TRDN: variants seen among roughly 807,000 people sequenced by gnomAD.
The protein encoded by TRDN is triadin in skeletal muscle.
A neutral mutation model predicts 149.7 loss-of-function variants in TRDN; 161 were observed. That is an observed-to-expected ratio of 1.08 (90% confidence interval 0.95 to 1.23). The LOEUF is 1.23. Ranked by LOEUF, TRDN falls within the 50% of genes most tolerant of loss-of-function variation. The pLI is 0.00. For synonymous variants in TRDN, 294 were observed against 250.5 expected (o/e 1.17, Z -1.64); for missense variants, 896 against 823.5 (o/e 1.09, Z -1.08).
At position 123,269,810 on chromosome 6, in the gene TRDN, A is replaced by T. The variant is rs1296867224; in HGVS notation, c.1738+39T>A. On this transcript the variant is annotated intron_variant, in intron 31 of 40. Coordinates refer to ENST00000334268, the MANE Select transcript of TRDN (RefSeq NM_006073.4). ...CAAAATTGTTAAAGCTGAAATGGTC[A>T]AGCGATATTTCTCAGGTGTTATTCT... 2.5e-6 allele frequency: 4 copies of T among 1,603,428 alleles called. No homozygotes were observed. The Admixed American group carries it at 6.8e-5, about 27-fold the overall frequency.
chr6:123,368,361 T>C (rs1781194995), intron 19 of TRDN, among the ~76,000 whole-genome samples: 1 of 152,156 alleles, frequency 6.6e-6, no homozygotes, highest in Admixed American at 6.6e-5. Context: ...CACACAGTTA[T>C]CATCTGCTCT....
chr6:123,510,929 C>T (rs1477328113), intron 7 of TRDN, among the ~76,000 whole-genome samples: 1 of 152,184 alleles, frequency 6.6e-6, no homozygotes, highest in African/African-American at 2.4e-5. Flanking sequence ...CAGAGGTGAG[C>T]CACTGTGCCC....
At chr6:123,619,542 C>T (rs1411113122) in intron 1 of TRDN, among the ~76,000 whole-genome samples, 4 of 152,222 alleles carry the variant, frequency 2.6e-5, no homozygotes, top group Middle Eastern at 3.4e-3. Flanking sequence ...CCTTGGAAGT[C>T]ATTTTCACTG....
chr6:123,488,266 G>A (rs1778057217), intron 9 of TRDN, among the ~76,000 whole-genome samples: 1 of 151,704 alleles, frequency 6.6e-6, no homozygotes, highest in Non-Finnish European at 1.5e-5. Context: ...GAATTAATGA[G>A]ATAAGTATGC....
chr6:123,247,980 C>CA lies in TRDN; in HGVS notation c.1975+4431dup, dbSNP rs376031270. On this transcript the variant is annotated intron_variant, in intron 38 of 40. Transcript: ENST00000334268. ...ACCACCTGATCTTTGACAGACCTGACAAAAACAAACAATGGGAAAAGGATT... is the reference window on the plus strand; with the variant it reads ...ACCACCTGATCTTTGACAGACCTGACAAAAAACAAACAATGGGAAAAGGATT... Among the ~76,000 whole-genome samples, 351 of 152,048 alleles carry CA rather than the reference C, an allele frequency of 2.3e-3. 2 individuals are homozygous for CA. The highest frequency in any genetic ancestry group is 5.6e-3 in the African/African-American group (231 of 41,412).
intron 4 of TRDN, among the ~76,000 whole-genome samples, chr6:123,541,086 TA>T (rs1485322757): frequency 1.3e-5 from 2 of 152,180 alleles, no homozygotes; most frequent in African/African-American, 4.8e-5. Flanking sequence ...TGAAATACAT[TA>T]GACCTAGCAG....
intron 14 of TRDN, among the ~76,000 whole-genome samples, chr6:123,384,416 T>A (rs1781831710): frequency 6.6e-6 from 1 of 152,028 alleles, no homozygotes; most frequent in Non-Finnish European, 1.5e-5. Context: ...CACAGGAGGA[T>A]TATGAAGAGA....
chr6:123,551,376 CACA>C (rs1781383954), intron 2 of TRDN, among the ~76,000 whole-genome samples: 1 of 150,590 alleles, frequency 6.6e-6, no homozygotes, highest in African/African-American at 2.5e-5. Flanking sequence ...CACACACACA[CACA>C]CTTAAATAAG....
At chr6:123,410,156 A>G (rs542417943) in intron 12 of TRDN, among the ~76,000 whole-genome samples, 1 of 152,316 alleles carries the variant, frequency 6.6e-6, no homozygotes, top group East Asian at 1.9e-4. Flanking sequence ...GAAATCATTG[A>G]TGCAGAATAT....
intron 2 of TRDN, among the ~76,000 whole-genome samples, chr6:123,553,736 C>A (rs1007079747): frequency 2.0e-5 from 3 of 152,070 alleles, no homozygotes; most frequent in Non-Finnish European, 4.4e-5. Context: ...AAGGGAAACC[C>A]CTTATAAAAC....
intron 1 of TRDN, among the ~76,000 whole-genome samples, chr6:123,634,821 G>A (rs1056764205): frequency 1.3e-5 from 2 of 151,714 alleles, no homozygotes; most frequent in Admixed American, 1.3e-4. Context: ...GTTAAGGCCC[G>A]GAAGTGGAAA....
chr6:123,596,972 C>T (rs554422231), intron 1 of TRDN, among the ~76,000 whole-genome samples: 147 of 152,082 alleles, frequency 9.7e-4, no homozygotes, highest in African/African-American at 3.3e-3. Context: ...GCCCATGGAT[C>T]AAAGAGTAAT....
intron 2 of TRDN, among the ~76,000 whole-genome samples, chr6:123,560,109 T>C (rs6926276): frequency 0.5 from 76,092 of 152,100 alleles, 19,794 homozygotes; most frequent in East Asian, 0.92. Context: ...GCCTAGCCCT[T>C]ATGTCTGCGT....
At chr6:123,485,627 A>C (rs1562340516) in intron 9 of TRDN, among the ~76,000 whole-genome samples, 1 of 152,152 alleles carries the variant, frequency 6.6e-6, no homozygotes, top group Non-Finnish European at 1.5e-5. Flanking sequence ...TCTGCTATAT[A>C]TGGGAACCAC....
intron 35 of TRDN, 146 bp downstream of exon 35, chr6:123,259,478 T>G (rs956060810): frequency 3.4e-6 from 2 of 583,340 alleles, no homozygotes; most frequent in African/African-American, 1.9e-5. Flanking sequence ...TGAACTGTAA[T>G]GTACTATAAT....
chr6:123,436,513 T>A, intron 12 of TRDN, among the ~76,000 whole-genome samples: 1 of 152,236 alleles, frequency 6.6e-6, no homozygotes, highest in African/African-American at 2.4e-5. Context: ...TGATGCCAGA[T>A]ATTTCTACGC....
chr6:123,506,494 T>C (rs767390927), intron 7 of TRDN, among the ~76,000 whole-genome samples: 1 of 152,178 alleles, frequency 6.6e-6, no homozygotes, highest in Admixed American at 6.5e-5. Flanking sequence ...TTTTGTCTTT[T>C]TGTTTTTTTG....
chr6:123,502,755 A>T, intron 8 of TRDN: 1 of 984,840 alleles, frequency 1.0e-6, no homozygotes, highest in Non-Finnish European at 1.2e-6. Context: ...GTCCTTAGAT[A>T]ACATTAGTCA....
intron 24 of TRDN, among the ~76,000 whole-genome samples, chr6:123,289,018 T>G (rs537821096): frequency 0.032 from 4,444 of 139,486 alleles, 128 homozygotes; most frequent in African/African-American, 0.076. Flanking sequence ...ATGTGGGGGG[T>G]GTGTGTGTGT....
Sources: allele counts gnomAD v4.1 joint callset (sites outside exome capture counted in the v4.1 genomes callset), GRCh38; gene constraint gnomAD v4.1.1; transcripts MANE v1.5; gene names NCBI Gene and HGNC (gene_info 2026-07-23, HGNC 2026-07-21).